METTL6: variants seen among roughly 807,000 people sequenced by gnomAD.
METTL6 encodes the protein methyltransferase 6, tRNA N3-cytidine.
Under a neutral mutation model 26.4 loss-of-function variants are expected in METTL6, and 22 were observed. That is an observed-to-expected ratio of 0.83 (90% CI 0.59 to 1.19). The LOEUF is 1.19. Among genes scored for constraint, METTL6 ranks in the 50% most tolerant of loss-of-function variants. The pLI is 0.00. For missense variants in METTL6, 304 were observed against 324.8 expected (o/e 0.94, Z 0.49); for synonymous variants, 109 against 116.2 (o/e 0.94, Z 0.40).
At chr3:15,397,131 C>T (rs959300278) in intron 6 of METTL6, among the ~76,000 whole-genome samples, 5 of 152,208 alleles carry the variant, frequency 3.3e-5, no homozygotes, top group African/African-American at 1.2e-4. Context: ...GTGGGCTCCA[C>T]CCAGTTTGAG....
chr3:15,411,060 T>A lies in METTL6; in HGVS notation c.*196A>T. ...GGCACTCGCCACTATGCCCAGCTAA[T>A]TTTTTTGTATTTTTAGTAGAGATGG... is the stretch of plus-strand genomic sequence containing the variant. On this transcript the variant is annotated 3_prime_UTR_variant, in exon 6 of 6. Coordinates refer to ENST00000383790, the MANE Select transcript of METTL6 (RefSeq NM_152396.4). The A allele has an allele frequency of 2.0e-6, 1 of 506,056 alleles. No individual in the cohort carries two copies. Among genetic ancestry groups the A allele is most frequent in the African/African-American group, 2.0e-5 (1 of 50,772 alleles). The allele number at this position is 506,056 out of a possible 1,614,324, so 31.3% of individuals were successfully genotyped here.
At chr3:15,396,075 T>C (rs902626482) in intron 6 of METTL6, among the ~76,000 whole-genome samples, 10 of 152,242 alleles carry the variant, frequency 6.6e-5, no homozygotes, top group Admixed American at 5.9e-4. Flanking sequence ...TCCTGGATAA[T>C]ATCCTGCAGA....
chr3:15,407,671 G>C (rs1324974522), downstream of METTL6, among the ~76,000 whole-genome samples: 1 of 152,190 alleles, frequency 6.6e-6, no homozygotes, highest in African/African-American at 2.4e-5. Context: ...CAGCCCGTTA[G>C]TCTTCTAGGG....
At chr3:15,426,103 G>C (rs928646190) in intron 2 of METTL6, among the ~76,000 whole-genome samples, 184 bp downstream of exon 2, 6 of 152,178 alleles carry the variant, frequency 3.9e-5, no homozygotes, top group African/African-American at 1.4e-4. Flanking sequence ...ACCACACCCA[G>C]CTAATTTTTG....
intron 6 of METTL6, among the ~76,000 whole-genome samples, chr3:15,401,548 A>AG (rs1209504298): frequency 5.9e-5 from 9 of 151,500 alleles, no homozygotes; most frequent in Non-Finnish European, 1.2e-4. Flanking sequence ...AAAAAAAAAA[A>AG]AAAAAAAAAG....
chr3:15,423,915 G>A (rs1372919782), intron 3 of METTL6, among the ~76,000 whole-genome samples: 1 of 151,596 alleles, frequency 6.6e-6, no homozygotes, highest in Non-Finnish European at 1.5e-5. Flanking sequence ...AGCTATAAAA[G>A]ACACCTGGAA....
intron 3 of METTL6, among the ~76,000 whole-genome samples, chr3:15,422,486 G>A (rs1485500945): frequency 6.6e-6 from 1 of 152,052 alleles, no homozygotes; most frequent in Non-Finnish European, 1.5e-5. Context: ...TTAGCCAGGG[G>A]TGGTAGTATG....
chr3:15,409,945 C>G lies in METTL6; in HGVS notation c.*1311G>C, dbSNP rs575876780. ...TTTTAGTCTACTTGGCCTCATTTTT[C>G]CCCATGGTTGTCTGACATGTTGCCT... On this transcript the variant is annotated 3_prime_UTR_variant, in exon 6 of 6. Coordinates refer to ENST00000383790, the MANE Select transcript of METTL6 (RefSeq NM_152396.4). Among the ~76,000 whole-genome samples, 1 of 152,238 alleles carries G rather than the reference C, an allele frequency of 6.6e-6. No individual in the cohort carries two copies. Among genetic ancestry groups the G allele is most frequent in the African/African-American group, 2.4e-5 (1 of 41,528 alleles).
chr3:15,393,011 T>C (rs1699391228), intron 6 of METTL6, among the ~76,000 whole-genome samples: 2 of 152,190 alleles, frequency 1.3e-5, no homozygotes, highest in African/African-American at 4.8e-5. Context: ...AACTTTAAAG[T>C]ATTTTTTTCC....
chr3:15,414,923 A>C, intron 4 of METTL6: 1 of 1,148,388 alleles, frequency 8.7e-7, no homozygotes, highest in South Asian at 1.6e-5. Context: ...CCCTGTCTCA[A>C]AAATAAATAA....
intron 6 of METTL6, among the ~76,000 whole-genome samples, chr3:15,393,167 T>C (rs1404897866): frequency 2.0e-5 from 3 of 152,228 alleles, no homozygotes; most frequent in Non-Finnish European, 4.4e-5. Context: ...TCCTCTTCTA[T>C]TACATTGAGC....
downstream of METTL6, among the ~76,000 whole-genome samples, chr3:15,406,619 TATATATATATAGAGAG>T (rs1375841019): frequency 9.2e-4 from 40 of 43,448 alleles, no homozygotes; most frequent in Middle Eastern, 9.6e-3. Flanking sequence ...TATATATATA[TATATATATATAGAGAG>T]AGAGAGAGAG....
Position 15,426,324 on chromosome 3 carries a change from G to A in METTL6, c.188C>T (p.Thr63Ile). The change falls in exon 2 of 6, where the codon ACC (threonine) becomes ATC (isoleucine). Residue 63 changes from threonine to isoleucine, a missense_variant. Coordinates refer to ENST00000383790, the MANE Select transcript of METTL6 (RefSeq NM_152396.4). ...STNFFKDRHWTTREFEELRSC... is the reference protein window; with the variant it reads ...STNFFKDRHWITREFEELRSC... ...TCTTAGCTCCTCAAACTCTCTGGTG[G>A]TCCAGTGTCTGTCTTTGAAGAAATT... 1 of 1,614,170 alleles carries A rather than the reference G, an allele frequency of 6.2e-7. No homozygotes were observed. The highest frequency in any genetic ancestry group is 2.2e-5 in the East Asian group (1 of 44,882).
At chr3:15,393,706 AG>A (rs1385083076) in intron 6 of METTL6, among the ~76,000 whole-genome samples, 11 of 152,304 alleles carry the variant, frequency 7.2e-5, no homozygotes, top group Non-Finnish European at 8.8e-5. Context: ...TTTAGCATGA[AG>A]GGCTGCTGAA....
downstream of METTL6, among the ~76,000 whole-genome samples, chr3:15,406,557 C>A (rs1451851197): frequency 3.6e-5 from 5 of 138,432 alleles, no homozygotes; most frequent in African/African-American, 1.4e-4. Flanking sequence ...CCAACCCTGA[C>A]CCAGCCATGA....
At chr3:15,414,528 G>T (rs534197630) in intron 4 of METTL6, 10 of 273,146 alleles carry the variant, frequency 3.7e-5, no homozygotes, top group African/African-American at 7.0e-5. Context: ...GCTAATTTTT[G>T]TATTTTAGTA....
chr3:15,411,521 A>C, intron 5 of METTL6, 84 bp from the exon 6 acceptor site: 2 of 1,311,852 alleles, frequency 1.5e-6, no homozygotes, highest in Non-Finnish European at 2.1e-6. Context: ...TAGAGGGCTG[A>C]GGCTATTTTA....
At chr3:15,395,188 T>C (rs1699454094) in intron 6 of METTL6, among the ~76,000 whole-genome samples, 1 of 152,348 alleles carries the variant, frequency 6.6e-6, no homozygotes, top group East Asian at 1.9e-4. Flanking sequence ...TGCTCCTGTA[T>C]TGGGTGCATA....
intron 3 of METTL6, among the ~76,000 whole-genome samples, chr3:15,420,408 G>A (rs1333708177): frequency 6.6e-6 from 1 of 152,082 alleles, no homozygotes; most frequent in East Asian, 1.9e-4. Context: ...TTAAAAGTAG[G>A]GTAGTAAGTA....
Sources: allele counts gnomAD v4.1 joint callset (sites outside exome capture counted in the v4.1 genomes callset), GRCh38; gene constraint gnomAD v4.1.1; transcripts MANE v1.5; gene names NCBI Gene and HGNC (gene_info 2026-07-23, HGNC 2026-07-21).